Variants in RASSF3 observed in about 807,000 individuals in gnomAD.
The protein encoded by RASSF3 is Ras association domain family member 3, also known as ras association domain-containing protein 3.
A neutral mutation model predicts 19.9 loss-of-function variants in RASSF3; 19 were observed. The observed-to-expected ratio is 0.96, with a 90% CI of 0.67 to 1.40. RASSF3 has a LOEUF of 1.40. Ranked by LOEUF, RASSF3 falls within the 40% of genes most tolerant of loss-of-function variation. RASSF3 has a pLI of 0.00. For synonymous variants in RASSF3, 110 were observed against 104.2 expected (o/e 1.06, Z -0.34); for missense variants, 306 against 289.8 (o/e 1.06, Z -0.41).
chr12:64,600,570 T>A (rs1870075193), intron 2 of RASSF3, among the ~76,000 whole-genome samples: 1 of 152,240 alleles, frequency 6.6e-6, no homozygotes, highest in Non-Finnish European at 1.5e-5. Flanking sequence ...GGATTTTGTT[T>A]TTTTTCTTTC....
At chr12:64,649,121 GA>G (rs141501178) in intron 1 of RASSF3, among the ~76,000 whole-genome samples, 21,200 of 151,600 alleles carry the variant, frequency 0.14, 2,173 homozygotes, top group African/African-American at 0.29. Context: ...TACAGCTCTT[GA>G]AAACCCTCTG....
At chr12:64,591,475 T>TAA (rs35494663) in intron 2 of RASSF3, among the ~76,000 whole-genome samples, 206 of 147,788 alleles carry the variant, frequency 1.4e-3, no homozygotes, top group African/African-American at 4.2e-3. Flanking sequence ...AGACTCCATC[T>TAA]AAAAAAAAAA....
chr12:64,573,617 G>T (rs556575758), intron 2 of RASSF3, among the ~76,000 whole-genome samples: 3 of 152,142 alleles, frequency 2.0e-5, no homozygotes, highest in Non-Finnish European at 4.4e-5. Flanking sequence ...ACTCAGTCAT[G>T]TGTATTTATT....
intron 2 of RASSF3, among the ~76,000 whole-genome samples, chr12:64,556,392 A>C (rs1297176723): frequency 6.6e-6 from 1 of 152,062 alleles, no homozygotes; most frequent in Middle Eastern, 3.2e-3. Flanking sequence ...TCCTGGGCTC[A>C]AGAGATCCTC....
chr12:64,688,498 C>CATCT (rs1873449403), intron 3 of RASSF3, 45 bp downstream of exon 3: 1 of 1,347,730 alleles, frequency 7.4e-7, no homozygotes, highest in African/African-American at 1.4e-5. Context: ...CTTCTACTTG[C>CATCT]ATCTGCTGTT....
intron 1 of RASSF3, among the ~76,000 whole-genome samples, chr12:64,648,801 G>GTTTTT (rs1871831937): frequency 2.6e-4 from 10 of 39,066 alleles, no homozygotes; most frequent in Non-Finnish European, 2.2e-4. Context: ...TTTTTACATT[G>GTTTTT]ATTTTTTTTT....
chr12:64,571,588 C>T (rs1388990520), intron 2 of RASSF3, among the ~76,000 whole-genome samples: 1 of 152,120 alleles, frequency 6.6e-6, no homozygotes, highest in Non-Finnish European at 1.5e-5. Context: ...TTCTTTAAGA[C>T]ACCTGTGTTT....
At chr12:64,525,848 C>A (rs1868574127) in intron 1 of RASSF3, among the ~76,000 whole-genome samples, 1 of 152,096 alleles carries the variant, frequency 6.6e-6, no homozygotes, top group South Asian at 2.1e-4. Context: ...TGATTCCTCG[C>A]TGCTACTGTG....
chr12:64,605,856 C>T (rs905792911), upstream of RASSF3, among the ~76,000 whole-genome samples: 6 of 147,044 alleles, frequency 4.1e-5, no homozygotes, highest in Non-Finnish European at 8.9e-5. Context: ...CCATTGCACT[C>T]CAGCCTGGTA....
intron 1 of RASSF3, among the ~76,000 whole-genome samples, chr12:64,637,101 C>T (rs912623226): frequency 1.3e-5 from 2 of 152,038 alleles, no homozygotes; most frequent in Non-Finnish European, 2.9e-5. Flanking sequence ...GAGTATAAAG[C>T]AATCCAGAGG....
chr12:64,676,623 C>T (rs755837007), intron 1 of RASSF3, among the ~76,000 whole-genome samples: 2 of 151,720 alleles, frequency 1.3e-5, no homozygotes, highest in Non-Finnish European at 2.9e-5. Flanking sequence ...AGGCTCACGT[C>T]ACCACACCTG....
chr12:64,614,507 G>A (rs1870485932), intron 1 of RASSF3, among the ~76,000 whole-genome samples: 1 of 152,078 alleles, frequency 6.6e-6, no homozygotes, highest in African/African-American at 2.4e-5. Flanking sequence ...TAATGAAAGG[G>A]GGAGGTATTA....
upstream of RASSF3, among the ~76,000 whole-genome samples, chr12:64,532,298 T>C (rs1015553587): frequency 6.6e-6 from 1 of 152,156 alleles, no homozygotes; most frequent in African/African-American, 2.4e-5. Flanking sequence ...ATTATTATAG[T>C]GGGCCTTTCC....
At chr12:64,689,134 T>A (rs1027773573) in intron 3 of RASSF3, among the ~76,000 whole-genome samples, 1 of 152,162 alleles carries the variant, frequency 6.6e-6, no homozygotes, top group African/African-American at 2.4e-5. Flanking sequence ...CAGAATGAGA[T>A]ATTCCAGGTC....
chr12:64,645,003 G>A (rs1281416024), intron 1 of RASSF3, among the ~76,000 whole-genome samples: 1 of 152,190 alleles, frequency 6.6e-6, no homozygotes, highest in African/African-American at 2.4e-5. Context: ...TGAGGCTGCA[G>A]TGAGCCATGA....
chr12:64,579,545 G>A (rs1869653083), intron 2 of RASSF3, among the ~76,000 whole-genome samples: 1 of 151,780 alleles, frequency 6.6e-6, no homozygotes, highest in Non-Finnish European at 1.5e-5. Flanking sequence ...TAGAGACTGG[G>A]TTTCACCATA....
At chr12:64,601,220 T>C (rs765375074) in intron 2 of RASSF3, among the ~76,000 whole-genome samples, 20 of 151,496 alleles carry the variant, frequency 1.3e-4, no homozygotes, top group Non-Finnish European at 2.4e-4. Context: ...ACCTGGGAGG[T>C]TGAAGCTATA....
At chr12:64,628,400 G>C (rs537446052) in intron 1 of RASSF3, 1 of 152,232 alleles carries the variant, frequency 6.6e-6, no homozygotes, top group Non-Finnish European at 1.5e-5. Context: ...GGACAGAAGG[G>C]ATAGTTTAGC....
chr12:64,662,774 T>C (rs1314929409), intron 1 of RASSF3, among the ~76,000 whole-genome samples: 2 of 152,060 alleles, frequency 1.3e-5, no homozygotes, highest in African/African-American at 4.8e-5. Context: ...CCCCATCCCG[T>C]GTTGAAATGG....
Sources: gnomAD v4.1 joint callset for allele counts (sites outside exome capture counted in the v4.1 genomes callset) on GRCh38, gnomAD v4.1.1 for gene constraint, MANE v1.5 for transcripts, NCBI Gene and HGNC (gene_info 2026-07-23, HGNC 2026-07-21) for gene names.